Variants in FCHSD2 observed in about 807,000 individuals in gnomAD.
FCHSD2 encodes the protein F-BAR and double SH3 domains protein 2.
FCHSD2 carries 38 observed loss-of-function variants against 108.1 expected under a neutral mutation model. The ratio of observed to expected loss-of-function variants is 0.35; its 90% CI spans 0.27 to 0.46. The LOEUF (loss-of-function observed/expected upper bound fraction) is 0.46. Ranked by LOEUF, FCHSD2 falls within the 20% of genes least tolerant of loss-of-function variation. The probability of loss-of-function intolerance (pLI) is 1.00; values close to 1 mark genes in which losing one functional copy is unlikely to be tolerated. For synonymous variants in FCHSD2, 279 were observed against 314.7 expected (o/e 0.89, Z 1.20); for missense variants, 751 against 897.8 (o/e 0.84, Z 2.09).
chr11:73,049,143 T>C (rs1858833882), intron 3 of FCHSD2, among the ~76,000 whole-genome samples: 1 of 152,220 alleles, frequency 6.6e-6, no homozygotes, highest in African/African-American at 2.4e-5. Context: ...GTAGTGGTTT[T>C]TGAGTTTGAG....
intron 12 of FCHSD2, among the ~76,000 whole-genome samples, chr11:72,878,785 C>T (rs1855021515): frequency 6.6e-6 from 1 of 152,148 alleles, no homozygotes; most frequent in African/African-American, 2.4e-5. Flanking sequence ...GAGCTATGAA[C>T]TGAAAAATTC....
intron 2 of FCHSD2, among the ~76,000 whole-genome samples, chr11:73,131,565 A>T (rs1335643874): frequency 1.3e-5 from 2 of 151,822 alleles, no homozygotes; most frequent in Non-Finnish European, 1.5e-5. Context: ...TTATCTGGGC[A>T]TGGTGGCATA....
At chr11:72,941,863 T>A (rs534424408) in intron 8 of FCHSD2, among the ~76,000 whole-genome samples, 54 of 152,222 alleles carry the variant, frequency 3.5e-4, no homozygotes, top group African/African-American at 1.3e-3. Context: ...AAGGAAGTTA[T>A]CAAAGAGGTG....
intron 8 of FCHSD2, among the ~76,000 whole-genome samples, chr11:72,926,813 T>G (rs1036144984): frequency 6.6e-6 from 1 of 152,226 alleles, no homozygotes; most frequent in Non-Finnish European, 1.5e-5. Context: ...TTAGAAATAC[T>G]GAACTTTTGT....
chr11:72,882,964 G>T (rs528440829), intron 12 of FCHSD2, among the ~76,000 whole-genome samples: 1 of 152,246 alleles, frequency 6.6e-6, no homozygotes, highest in South Asian at 2.1e-4. Context: ...CATAAGTACA[G>T]ACATATAGAC....
At chr11:73,023,955 A>G (rs1050098586) in intron 3 of FCHSD2, among the ~76,000 whole-genome samples, 1 of 152,170 alleles carries the variant, frequency 6.6e-6, no homozygotes, top group African/African-American at 2.4e-5. Context: ...GGAAAGACCA[A>G]TTGATAGAGA....
chr11:72,877,040 C>T (rs980271798), intron 12 of FCHSD2, among the ~76,000 whole-genome samples: 3 of 151,656 alleles, frequency 2.0e-5, no homozygotes, highest in African/African-American at 7.3e-5. Flanking sequence ...GGTACGATCA[C>T]GGCTCAGTGC....
At chr11:72,864,171 G>A (rs1216317840) in intron 13 of FCHSD2, among the ~76,000 whole-genome samples, 3 of 152,196 alleles carry the variant, frequency 2.0e-5, no homozygotes, top group East Asian at 3.8e-4. Context: ...GGCTGAAAAC[G>A]GGGAAGTGAT....
intron 3 of FCHSD2, among the ~76,000 whole-genome samples, chr11:73,026,176 A>G (rs1565373520): frequency 6.6e-6 from 1 of 152,044 alleles, no homozygotes; most frequent in South Asian, 2.1e-4. Flanking sequence ...ATGAGGTTTC[A>G]CCATGTTGAC....
At position 72,843,307 on chromosome 11, in the gene FCHSD2, C is replaced by G; in HGVS notation, c.1549G>C (p.Val517Leu). ...AGGTACTTTTCTGGCACATAACCCA[C>G]TTGGCCAACTTTATTTCGAGCCTGG... ...WVKARNKVGQ[V>L]GYVPEKYLQF... The change falls in exon 16 of 20, where the codon GTG becomes CTG. Residue 517 changes from valine to leucine, a missense_variant. Val to Leu is a conservative substitution (Grantham distance 32). Coordinates refer to ENST00000409418, the MANE Select transcript of FCHSD2 (RefSeq NM_014824.3). 2.5e-6 allele frequency: 4 copies of G among 1,613,850 alleles called. No individual in the cohort carries two copies. The highest frequency in any genetic ancestry group is 3.4e-6 in the Non-Finnish European group (4 of 1,179,752).
At chr11:72,978,618 G>A (rs189020991) in intron 8 of FCHSD2, among the ~76,000 whole-genome samples, 4 of 152,180 alleles carry the variant, frequency 2.6e-5, no homozygotes, top group Admixed American at 1.3e-4. Context: ...TGGATTATAG[G>A]AGCGATTTCC....
intron 3 of FCHSD2, among the ~76,000 whole-genome samples, chr11:73,066,882 G>T (rs1859307371): frequency 6.6e-6 from 1 of 152,178 alleles, no homozygotes; most frequent in Non-Finnish European, 1.5e-5. Flanking sequence ...TACACTGTTG[G>T]TGGGAGTGTA....
chr11:73,006,430 C>T (rs1196942737), intron 4 of FCHSD2, among the ~76,000 whole-genome samples: 1 of 152,202 alleles, frequency 6.6e-6, no homozygotes, highest in East Asian at 1.9e-4. Flanking sequence ...CTGGAATCAT[C>T]ATTGATTCCT....
chr11:73,054,923 A>G (rs1858987850), intron 3 of FCHSD2, among the ~76,000 whole-genome samples: 1 of 152,180 alleles, frequency 6.6e-6, no homozygotes, highest in African/African-American at 2.4e-5. Context: ...GGGCTGTTGT[A>G]TTAGTCCATT....
chr11:72,878,553 T>A (rs2365907), intron 12 of FCHSD2, among the ~76,000 whole-genome samples: 51 of 152,320 alleles, frequency 3.3e-4, no homozygotes, highest in Non-Finnish European at 5.3e-4. Context: ...ATAGCTTGTT[T>A]TACTAGGAAG....
chr11:73,022,631 T>C (rs1858136164), intron 3 of FCHSD2, among the ~76,000 whole-genome samples: 1 of 152,200 alleles, frequency 6.6e-6, no homozygotes, highest in Admixed American at 6.5e-5. Context: ...TGTTAATGAC[T>C]TGGGACTTCA....
intron 8 of FCHSD2, among the ~76,000 whole-genome samples, chr11:72,957,501 A>T (rs1346836859): frequency 6.6e-6 from 1 of 150,974 alleles, no homozygotes; most frequent in Non-Finnish European, 1.5e-5. Context: ...AAAGGAAAAA[A>T]ACTGAGGAAC....
intron 3 of FCHSD2, chr11:73,077,784 G>A (rs976066030): frequency 3.8e-6 from 1 of 265,312 alleles, no homozygotes; most frequent in South Asian, 3.5e-5. Context: ...AGGACACACA[G>A]GAAAACTCTG....
chr11:72,951,108 A>C (rs1475877258), intron 8 of FCHSD2, among the ~76,000 whole-genome samples: 1 of 152,242 alleles, frequency 6.6e-6, no homozygotes, highest in Non-Finnish European at 1.5e-5. Flanking sequence ...GAATAACTTC[A>C]TGAGGCAAAT....
Sources: allele counts gnomAD v4.1 joint callset (sites outside exome capture counted in the v4.1 genomes callset), GRCh38; gene constraint gnomAD v4.1.1; transcripts MANE v1.5; gene names NCBI Gene and HGNC (gene_info 2026-07-23, HGNC 2026-07-21).